Variants in THSD4 observed in about 807,000 individuals in gnomAD.
The protein encoded by THSD4 is thrombospondin type-1 domain-containing protein 4.
A neutral mutation model predicts 119.0 loss-of-function variants in THSD4; 69 were observed. The observed-to-expected ratio is 0.58, with a 90% CI of 0.48 to 0.71. The LOEUF (loss-of-function observed/expected upper bound fraction) is 0.71. Among genes scored for constraint, THSD4 ranks in the 30% least tolerant of loss-of-function variants. The probability of loss-of-function intolerance (pLI) is 0.00; values close to 1 mark genes in which losing one functional copy is unlikely to be tolerated. For synonymous variants in THSD4, 524 were observed against 540.4 expected (o/e 0.97, Z 0.42); for missense variants, 1,393 against 1,391.1 (o/e 1.00, Z -0.02).
intron 16 of THSD4, among the ~76,000 whole-genome samples, chr15:71,770,280 G>T (rs76907396): frequency 1.1e-5 from 1 of 90,724 alleles, no homozygotes; most frequent in African/African-American, 4.6e-5. Context: ...CTTTCTCAAA[G>T]AAAATGTATT....
intron 6 of THSD4, among the ~76,000 whole-genome samples, chr15:71,349,094 C>T (rs1215932799): frequency 8.3e-6 from 1 of 120,124 alleles, no homozygotes; most frequent in Non-Finnish European, 1.9e-5. Context: ...GGTAGGAAAA[C>T]CAGGACAGGA....
At chr15:71,111,406 T>C (rs759896059), upstream of THSD4, 1 of 1,610,094 alleles carries the variant, frequency 6.2e-7, no homozygotes, top group Non-Finnish European at 8.5e-7. Flanking sequence ...ACTCAGACTG[T>C]AGGTCAGCAT....
In THSD4 at chr15:71,771,106, C is replaced by T. The variant is rs775194961; in HGVS notation, c.2812C>T (p.Arg938Trp). 1.4e-5 allele frequency: 22 copies of T among 1,614,040 alleles called. No individual in the cohort carries two copies. The highest frequency in any genetic ancestry group is 1.3e-4 in the East Asian group (6 of 44,898). Residue 938 changes from arginine (R) to tryptophan (W), a missense_variant, in exon 17 of 18, where the codon CGG (arginine) becomes TGG (tryptophan). Transcript: ENST00000261862. ...CQGGFRVREV[R>W]CLSDDMTLSN... ...GGGTGGCTTTCGGGTCCGGGAAGTG[C>T]GGTGTCTGTCTGATGACATGACTCT...
intron 7 of THSD4, among the ~76,000 whole-genome samples, chr15:71,594,149 C>G (rs1357346820): frequency 1.3e-5 from 2 of 151,920 alleles, no homozygotes; most frequent in African/African-American, 4.8e-5. Context: ...GCCTCACAGC[C>G]TAGGGATCCA....
intron 4 of THSD4, among the ~76,000 whole-genome samples, chr15:71,229,899 G>A (rs1263799608): frequency 1.3e-5 from 2 of 152,152 alleles, no homozygotes; most frequent in African/African-American, 2.4e-5. Context: ...GGGTACATAG[G>A]CAGTGATATA....
intron 6 of THSD4, among the ~76,000 whole-genome samples, chr15:71,326,700 A>AAATATATATATAT (rs1555464320): frequency 1.5e-4 from 1 of 6,452 alleles, no homozygotes; most frequent in African/African-American, 3.4e-4. Flanking sequence ...AAAAAAAAAA[A>AAATATATATATAT]ATATATATAT....
intron 8 of THSD4, among the ~76,000 whole-genome samples, chr15:71,724,196 A>G (rs2052777092): frequency 6.8e-6 from 1 of 147,680 alleles, no homozygotes; most frequent in Non-Finnish European, 1.5e-5. Context: ...GGAGCAGAGC[A>G]CAGAGAGAAG....
intron 4 of THSD4, among the ~76,000 whole-genome samples, chr15:71,233,385 A>G (rs1157861857): frequency 6.6e-6 from 1 of 152,212 alleles, no homozygotes; most frequent in East Asian, 1.9e-4. Context: ...GCCCAGGGGA[A>G]ATCATTGCCC....
intron 3 of THSD4, among the ~76,000 whole-genome samples, chr15:71,205,869 C>T (rs867818832): frequency 1.1e-4 from 14 of 130,840 alleles, no homozygotes; most frequent in South Asian, 2.5e-4. Context: ...TGGAGATTCT[C>T]TTTTTTTTTT....
chr15:71,446,348 C>T (rs1289469921), intron 7 of THSD4, among the ~76,000 whole-genome samples: 1 of 152,184 alleles, frequency 6.6e-6, no homozygotes, highest in African/African-American at 2.4e-5. Context: ...CCAGTGTCGT[C>T]TTGTAAAATA....
intron 10 of THSD4, 96 bp downstream of exon 10, chr15:71,731,313 C>A (rs2052976057): frequency 2.2e-5 from 27 of 1,222,610 alleles, no homozygotes; most frequent in Non-Finnish European, 3.2e-5. Flanking sequence ...GTCTCTCGGT[C>A]AACACAGAGA....
At chr15:71,279,610 C>T (rs574829674) in intron 6 of THSD4, among the ~76,000 whole-genome samples, 8 of 152,190 alleles carry the variant, frequency 5.3e-5, no homozygotes, top group East Asian at 1.9e-4. Context: ...GCATCCGTAC[C>T]GCCCTGGCTT....
At chr15:71,710,859 C>G (rs2052497451) in intron 8 of THSD4, among the ~76,000 whole-genome samples, 1 of 152,046 alleles carries the variant, frequency 6.6e-6, no homozygotes, top group African/African-American at 2.4e-5. Context: ...CAGCCTGGTA[C>G]AGGGGAAAGA....
At chr15:71,745,817 G>T (rs923457357) in intron 12 of THSD4, among the ~76,000 whole-genome samples, 10 of 152,188 alleles carry the variant, frequency 6.6e-5, no homozygotes, top group African/African-American at 1.9e-4. Context: ...GCTAATTTTT[G>T]TATTTTTTGT....
At chr15:71,751,814 T>C (rs1022213857) in intron 14 of THSD4, among the ~76,000 whole-genome samples, 2 of 152,114 alleles carry the variant, frequency 1.3e-5, no homozygotes, top group Admixed American at 1.3e-4. Flanking sequence ...ATTACAGTTA[T>C]AAGCCTCCAT....
chr15:71,200,644 G>A (rs2043795734), intron 3 of THSD4, among the ~76,000 whole-genome samples: 1 of 152,158 alleles, frequency 6.6e-6, no homozygotes, highest in Admixed American at 6.5e-5. Flanking sequence ...TATACTTGCA[G>A]TAACCAAATA....
At chr15:71,711,374 A>G (rs2052512582) in intron 8 of THSD4, among the ~76,000 whole-genome samples, 1 of 152,104 alleles carries the variant, frequency 6.6e-6, no homozygotes, top group Non-Finnish European at 1.5e-5. Context: ...GTAAATATTA[A>G]CTCAAAGTAG....
At chr15:71,299,899 G>T (rs1048190150) in intron 6 of THSD4, among the ~76,000 whole-genome samples, 3 of 149,822 alleles carry the variant, frequency 2.0e-5, no homozygotes, top group African/African-American at 7.4e-5. Context: ...GCCCAGGCAG[G>T]ATTGTTTGAG....
intron 7 of THSD4, among the ~76,000 whole-genome samples, chr15:71,566,812 C>T (rs1271354217): frequency 1.3e-5 from 2 of 151,064 alleles, no homozygotes; most frequent in African/African-American, 4.9e-5. Flanking sequence ...CAGACATTGG[C>T]ATTTCTTTCC....
Sources: gnomAD v4.1 joint callset for allele counts (sites outside exome capture counted in the v4.1 genomes callset) on GRCh38, gnomAD v4.1.1 for gene constraint, MANE v1.5 for transcripts, NCBI Gene and HGNC (gene_info 2026-07-23, HGNC 2026-07-21) for gene names.